The following DLGAP2 variants were observed in gnomAD, a reference collection of about 807,000 sequenced individuals.
DLGAP2 encodes disks large-associated protein 2.
A neutral mutation model predicts 100.3 loss-of-function variants in DLGAP2; 26 were observed. That is an observed-to-expected ratio of 0.26 (90% CI 0.19 to 0.36). The LOEUF is 0.36. Ranked by LOEUF, DLGAP2 falls within the 10% of genes least tolerant of loss-of-function variation. The pLI, the probability that DLGAP2 is intolerant of heterozygous loss-of-function variation, is 1.00. For missense variants in DLGAP2, 1,858 were observed against 1,453.2 expected, an observed-to-expected ratio of 1.28 and a Z score of -4.53; for synonymous variants, 886 against 630.1, an observed-to-expected ratio of 1.41 and a Z score of -6.08.
At chr8:1,506,517 A>C (rs1799922232) in intron 4 of DLGAP2, among the ~76,000 whole-genome samples, 1 of 152,214 alleles carries the variant, frequency 6.6e-6, no homozygotes, top group African/African-American at 2.4e-5. Context: ...AGCTCATAAA[A>C]GGAGTGCGGA....
intron 3 of DLGAP2, among the ~76,000 whole-genome samples, chr8:1,294,401 C>G (rs1800125385): frequency 6.6e-6 from 1 of 152,132 alleles, no homozygotes; most frequent in Admixed American, 6.5e-5. Context: ...GTTTTGGTGT[C>G]TCCTGTTTGA....
intron 2 of DLGAP2, among the ~76,000 whole-genome samples, chr8:980,158 A>T (rs78002323): frequency 0.05 from 7,634 of 152,304 alleles, 281 homozygotes; most frequent in Middle Eastern, 0.15. Context: ...CTCTCAGGAG[A>T]CAAATCTATA....
chr8:766,877 T>G (rs2132599297), intron 1 of DLGAP2, among the ~76,000 whole-genome samples: 1 of 152,150 alleles, frequency 6.6e-6, no homozygotes, highest in East Asian at 1.9e-4. Context: ...GTTCCTTGGG[T>G]GGATGGGCGG....
chr8:962,628 C>T (rs1799753289), intron 2 of DLGAP2, among the ~76,000 whole-genome samples: 1 of 152,188 alleles, frequency 6.6e-6, no homozygotes. Flanking sequence ...GAGTGGGAAA[C>T]CAACCCTGTG....
At chr8:1,322,451 C>T (rs905349262) in intron 3 of DLGAP2, among the ~76,000 whole-genome samples, 3 of 151,924 alleles carry the variant, frequency 2.0e-5, no homozygotes, top group African/African-American at 4.8e-5. Flanking sequence ...CGTGTGGATC[C>T]GTGGAAATGC....
At chr8:1,063,359 G>A (rs1044424843) in intron 2 of DLGAP2, among the ~76,000 whole-genome samples, 2 of 152,090 alleles carry the variant, frequency 1.3e-5, no homozygotes, top group Non-Finnish European at 2.9e-5. Flanking sequence ...TTTGACAAGG[G>A]TCTCTGCGAT....
chr8:773,635 A>T (rs1821426721), intron 1 of DLGAP2, among the ~76,000 whole-genome samples: 1 of 151,566 alleles, frequency 6.6e-6, no homozygotes, highest in African/African-American at 2.4e-5. Flanking sequence ...ACTGAGAATG[A>T]TGATTTCCAA....
intron 3 of DLGAP2, among the ~76,000 whole-genome samples, chr8:1,493,544 G>A (rs1321136956): frequency 1.3e-5 from 2 of 152,228 alleles, no homozygotes; most frequent in Non-Finnish European, 2.9e-5. Flanking sequence ...ACACCTGAAC[G>A]TGTGTGGGAG....
At chr8:1,101,149 A>G (rs1420827583) in intron 2 of DLGAP2, among the ~76,000 whole-genome samples, 2 of 152,238 alleles carry the variant, frequency 1.3e-5, no homozygotes, top group African/African-American at 2.4e-5. Flanking sequence ...TGGGCATGGC[A>G]GACGCAAATG....
chr8:1,407,652 A>G (rs375537667), intron 3 of DLGAP2, among the ~76,000 whole-genome samples: 3 of 44,264 alleles, frequency 6.8e-5, no homozygotes, highest in Admixed American at 2.1e-4. Context: ...CCACCTCCTC[A>G]TCCTCCAGAG....
chr8:1,046,933 C>T (rs1585010977), intron 2 of DLGAP2, among the ~76,000 whole-genome samples: 1 of 144,216 alleles, frequency 6.9e-6, no homozygotes, highest in African/African-American at 2.5e-5. Context: ...GAAATGCATC[C>T]TTTTTTTGTT....
intron 2 of DLGAP2, among the ~76,000 whole-genome samples, chr8:919,157 C>T (rs572767119): frequency 7.2e-5 from 11 of 152,128 alleles, no homozygotes; most frequent in Admixed American, 4.6e-4. Context: ...TCTAAAAATA[C>T]ATTATTATTT....
At chr8:1,238,089 AGTTCTCTCACATGGC>A (rs1348330150) in intron 2 of DLGAP2, among the ~76,000 whole-genome samples, 1 of 14,446 alleles carries the variant, frequency 6.9e-5, no homozygotes, top group Non-Finnish European at 1.3e-4. Flanking sequence ...CGCCGTGTCT[AGTTCTCTCACATGGC>A]GCCGTGTCTA....
rs1352562913 is a variant in DLGAP2, at chr8:1,590,935, C to G, written c.1442+25041C>G. Among the ~76,000 whole-genome samples the G allele has an allele frequency of 2.0e-5, 3 of 152,198 alleles. No individual in the cohort carries two copies. In the East Asian group the frequency reaches 5.8e-4, roughly 29 times the overall value. ...CATTCTTTAAGCCACCTTAAAGAAG[C>G]CATCTTCAATGGTGTTGGAGGACCA... On this transcript the variant is annotated intron_variant, in intron 6 of 14. Transcript: ENST00000637795.
At chr8:777,912 G>A (rs562581188) in intron 1 of DLGAP2, among the ~76,000 whole-genome samples, 189 of 152,184 alleles carry the variant, frequency 1.2e-3, no homozygotes, top group Non-Finnish European at 2.0e-3. Context: ...GCTAGATTGG[G>A]GAAGTTCTCC....
intron 1 of DLGAP2, among the ~76,000 whole-genome samples, chr8:884,523 G>C (rs910245395): frequency 6.6e-6 from 1 of 151,648 alleles, no homozygotes; most frequent in Non-Finnish European, 1.5e-5. Flanking sequence ...TGTAAATTCT[G>C]GATGTTAGAT....
intron 3 of DLGAP2, among the ~76,000 whole-genome samples, chr8:1,380,905 T>G (rs1369545865): frequency 9.0e-6 from 1 of 111,528 alleles, no homozygotes; most frequent in Non-Finnish European, 1.7e-5. Flanking sequence ...TTGTATCATC[T>G]CAGAACCGGT....
intron 3 of DLGAP2, among the ~76,000 whole-genome samples, chr8:1,469,448 C>T (rs897696261): frequency 1.3e-5 from 2 of 152,246 alleles, no homozygotes; most frequent in African/African-American, 4.8e-5. Context: ...AACTGCAGTA[C>T]ATCCCTCTCT....
chr8:1,473,043 G>C (rs2130209318), intron 3 of DLGAP2, among the ~76,000 whole-genome samples: 1 of 152,164 alleles, frequency 6.6e-6, no homozygotes, highest in Non-Finnish European at 1.5e-5. Flanking sequence ...CGATTCTCCT[G>C]CCTCAGTCTC....
Sources: allele counts gnomAD v4.1 joint callset (sites outside exome capture counted in the v4.1 genomes callset), GRCh38; gene constraint gnomAD v4.1.1; transcripts MANE v1.5; gene names NCBI Gene and HGNC (gene_info 2026-07-23, HGNC 2026-07-21).